Variants in PELI2 observed in about 807,000 individuals in gnomAD.
PELI2 encodes the protein E3 ubiquitin-protein ligase pellino homolog 2.
In PELI2, 23 loss-of-function variants were observed where a neutral mutation model predicts 42.3. The ratio of observed to expected loss-of-function variants is 0.54; its 90% CI spans 0.39 to 0.77. The LOEUF (loss-of-function observed/expected upper bound fraction) is 0.77, where lower values mean the gene tolerates loss of function less well. PELI2 is among the 30% of genes least tolerant of loss of function. The pLI, the probability that PELI2 is intolerant of heterozygous loss-of-function variation, is 0.00. For synonymous variants in PELI2, 245 were observed against 212.2 expected (o/e 1.15, Z -1.34); for missense variants, 463 against 553.2 (o/e 0.84, Z 1.64).
At chr14:56,152,084 A>G (rs1884381500) in intron 1 of PELI2, among the ~76,000 whole-genome samples, 1 of 152,206 alleles carries the variant, frequency 6.6e-6, no homozygotes, top group Admixed American at 6.5e-5. Flanking sequence ...GAGAAAGGCC[A>G]GGGAATGTGC....
At chr14:56,202,831 G>A (rs1051533554) in intron 2 of PELI2, among the ~76,000 whole-genome samples, 3 of 152,148 alleles carry the variant, frequency 2.0e-5, no homozygotes, top group African/African-American at 7.2e-5. Context: ...TCCAGATCAT[G>A]GAGCATTTTG....
intron 1 of PELI2, among the ~76,000 whole-genome samples, chr14:56,160,587 AG>A (rs1253012052): frequency 6.6e-6 from 1 of 152,172 alleles, no homozygotes; most frequent in Non-Finnish European, 1.5e-5. Flanking sequence ...GATAAGAAAA[AG>A]GTTACCTGAA....
chr14:56,228,253 G>A (rs910171538), intron 2 of PELI2, among the ~76,000 whole-genome samples: 1 of 152,176 alleles, frequency 6.6e-6, no homozygotes, highest in Non-Finnish European at 1.5e-5. Flanking sequence ...CAGCCATACT[G>A]ATCTATCTTG....
intron 1 of PELI2, among the ~76,000 whole-genome samples, chr14:56,126,639 C>T (rs914369425): frequency 6.6e-6 from 1 of 152,126 alleles, no homozygotes; most frequent in Admixed American, 6.5e-5. Flanking sequence ...CCTCCTTTCC[C>T]ATCTTGTGCT....
chr14:56,220,116 T>C (rs1887069122), intron 2 of PELI2, among the ~76,000 whole-genome samples: 1 of 152,218 alleles, frequency 6.6e-6, no homozygotes, highest in South Asian at 2.1e-4. Context: ...CTTGCTTCTG[T>C]TCTCTTTATA....
chr14:56,120,956 G>A (rs556122553), intron 1 of PELI2, among the ~76,000 whole-genome samples: 3 of 152,310 alleles, frequency 2.0e-5, no homozygotes, highest in Middle Eastern at 3.4e-3. Context: ...TGAACACATT[G>A]AAGAGTGCAG....
rs777646525 is a variant in PELI2 at position 56,290,445 on chromosome 14, C to T, written c.685C>T (p.Arg229Ter). Residue 229 changes from arginine (R) to a stop codon, truncating the protein, a stop_gained, in exon 5 of 6, where the codon CGA (arginine) becomes TGA (stop). Transcript: ENST00000267460. LOFTEE classifies it high-confidence loss of function. ...GCGAGAAACCAGGTCGGCCCAGCAA[C>T]GAGGAAAGCTGGTGAGTGTGCTTCA... ...TLRETRSAQQ[R>*]GKLVESETNV... 5.6e-6 allele frequency: 9 copies of T among 1,599,728 alleles called. No individual in the cohort carries two copies. The highest frequency in any genetic ancestry group is 1.3e-5 in the African/African-American group (1 of 74,700).
At position 56,218,702 on chromosome 14, in the gene PELI2, C is replaced by CGTGT. The variant is rs111825772; in HGVS notation, c.207+40259_207+40262dup. Among the ~76,000 whole-genome samples, 112 of 149,800 alleles carry CGTGT rather than the reference C, an allele frequency of 7.5e-4. 2 individuals are homozygous for CGTGT. The highest frequency in any genetic ancestry group is 2.3e-3 in the African/African-American group (94 of 40,766). On this transcript the variant is annotated intron_variant, in intron 2 of 5. Coordinates refer to ENST00000267460, the MANE Select transcript of PELI2 (RefSeq NM_021255.3). ...CTGTGTGCATGCACGCACATGTGTG[C>CGTGT]GTGTGTGTGTGTGTGTGTGTGTGTT...
At chr14:56,278,142 ATCAAC>A (rs1889356124) in intron 2 of PELI2, among the ~76,000 whole-genome samples, 1 of 152,216 alleles carries the variant, frequency 6.6e-6, no homozygotes. Flanking sequence ...TTATTTTGTA[ATCAAC>A]TCCTGATTGT....
At chr14:56,203,507 A>G (rs964179705) in intron 2 of PELI2, among the ~76,000 whole-genome samples, 1 of 152,044 alleles carries the variant, frequency 6.6e-6, no homozygotes, top group African/African-American at 2.4e-5. Context: ...GTATCTGTAG[A>G]CTTTTTTTCT....
At chr14:56,165,805 A>G (rs1351790261) in intron 1 of PELI2, among the ~76,000 whole-genome samples, 5 of 152,084 alleles carry the variant, frequency 3.3e-5, no homozygotes, top group Admixed American at 1.3e-4. Context: ...CTCGAAATCA[A>G]TTTTGTCTGA....
intron 5 of PELI2, 143 bp downstream of exon 5, chr14:56,290,599 C>A: frequency 2.0e-6 from 1 of 499,686 alleles, no homozygotes; most frequent in Non-Finnish European, 3.4e-6. Context: ...CAGAATTCCA[C>A]AAGCCCCTGA....
chr14:56,279,871 A>T, intron 3 of PELI2, 94 bp downstream of exon 3: 1 of 543,520 alleles, frequency 1.8e-6, no homozygotes, highest in South Asian at 3.1e-5. Context: ...CAGTATGTCC[A>T]GGGGGAAAGA....
At chr14:56,245,808 T>C (rs7140444) in intron 2 of PELI2, among the ~76,000 whole-genome samples, 112,537 of 152,158 alleles carry the variant, frequency 0.74, 42,282 homozygotes, top group African/African-American at 0.87. Flanking sequence ...ATAAGCATAA[T>C]AGCTATTAAC....
intron 2 of PELI2, among the ~76,000 whole-genome samples, chr14:56,217,381 C>A (rs17254064): frequency 0.4 from 60,878 of 152,124 alleles, 13,040 homozygotes; most frequent in South Asian, 0.53. Context: ...GTGTCTAACC[C>A]ACCATCATCA....
Position 56,118,606 on chromosome 14 carries a change from G to A in PELI2, c.-55G>A. 1 of 1,153,610 alleles carries A rather than the reference G, an allele frequency of 8.7e-7. No homozygotes were observed. The highest frequency in any genetic ancestry group is 1.1e-6 in the Non-Finnish European group (1 of 877,522). 71.5% of individuals were successfully genotyped at this position (1,153,610 alleles called of 1,614,324 possible). ...GTAGCGGCGGCGCGGACTCGGCGGG[G>A]ATCGCGGCGGAGGCGGCGGCGTCGG... On this transcript the variant is annotated 5_prime_UTR_variant, in exon 1 of 6. Transcript: ENST00000267460.
At chr14:56,123,007 A>G (rs1036752823) in intron 1 of PELI2, among the ~76,000 whole-genome samples, 3 of 152,236 alleles carry the variant, frequency 2.0e-5, no homozygotes, top group Non-Finnish European at 4.4e-5. Flanking sequence ...AAGAACCTCT[A>G]CAAATGAAAA....
chr14:56,184,718 A>G (rs147609476), intron 2 of PELI2, among the ~76,000 whole-genome samples: 5 of 152,208 alleles, frequency 3.3e-5, no homozygotes, highest in Non-Finnish European at 7.4e-5. Flanking sequence ...AGGTAATGGA[A>G]GATTTACTAT....
At chr14:56,140,868 G>C (rs955305076) in intron 1 of PELI2, among the ~76,000 whole-genome samples, 5 of 152,164 alleles carry the variant, frequency 3.3e-5, no homozygotes, top group Non-Finnish European at 7.4e-5. Flanking sequence ...GGTACAGGAG[G>C]GAAGGCCAAG....
Sources: gnomAD v4.1 joint callset for allele counts (sites outside exome capture counted in the v4.1 genomes callset) on GRCh38, gnomAD v4.1.1 for gene constraint, MANE v1.5 for transcripts, NCBI Gene and HGNC (gene_info 2026-07-23, HGNC 2026-07-21) for gene names.